The following CREB5 variants were observed in gnomAD, a reference collection of about 807,000 sequenced individuals.
The protein encoded by CREB5 is cAMP responsive element binding protein 5, also known as cyclic AMP-responsive element-binding protein 5.
A neutral mutation model predicts 57.1 loss-of-function variants in CREB5; 19 were observed. That is an observed-to-expected ratio of 0.33 (90% CI 0.23 to 0.49). CREB5 has a LOEUF of 0.49. CREB5 is among the 20% of genes least tolerant of loss of function. CREB5 has a pLI of 0.99. For synonymous variants in CREB5, 238 were observed against 238.3 expected, an observed-to-expected ratio of 1.00 and a Z score of 0.01; for missense variants, 579 against 671.6, an observed-to-expected ratio of 0.86 and a Z score of 1.52.
intron 1 of CREB5, among the ~76,000 whole-genome samples, chr7:28,351,949 T>C (rs1004027249): frequency 2.6e-5 from 4 of 152,208 alleles, no homozygotes; most frequent in Admixed American, 2.6e-4. Context: ...GGGCCATTCA[T>C]GGAAACCACA....
At chr7:28,560,829 C>CGTGTGTGTGTGCGTGTGCGT (rs1562797035) in intron 4 of CREB5, among the ~76,000 whole-genome samples, 1 of 65,180 alleles carries the variant, frequency 1.5e-5, no homozygotes, top group African/African-American at 6.1e-5. Context: ...TGTGCGCGCG[C>CGTGTGTGTGTGCGTGTGCGT]GCGCGTGTGT....
At chr7:28,428,150 G>A (rs538608973) in intron 1 of CREB5, among the ~76,000 whole-genome samples, 3 of 152,138 alleles carry the variant, frequency 2.0e-5, no homozygotes, top group African/African-American at 7.2e-5. Flanking sequence ...CTAGGTAAGG[G>A]GCTGCTTGGT....
At chr7:28,806,419 A>G (rs1359575336) in intron 8 of CREB5, among the ~76,000 whole-genome samples, 3 of 152,290 alleles carry the variant, frequency 2.0e-5, no homozygotes, top group Admixed American at 6.5e-5. Context: ...GCTTAATTGT[A>G]TGATTATCTG....
intron 7 of CREB5, among the ~76,000 whole-genome samples, chr7:28,753,189 G>T (rs1805084314): frequency 6.6e-6 from 1 of 152,118 alleles, no homozygotes; most frequent in Non-Finnish European, 1.5e-5. Flanking sequence ...TTAAGGAAAT[G>T]ATTTGGGAAA....
intron 5 of CREB5, among the ~76,000 whole-genome samples, chr7:28,631,590 G>C (rs1019509821): frequency 5.9e-5 from 9 of 152,186 alleles, no homozygotes; most frequent in Admixed American, 5.2e-4. Flanking sequence ...GTCTCCCTCT[G>C]TTCCTCTATC....
In CREB5 at chr7:28,560,811, TGTGTGTGTGTGCGCGCGCGCGC is replaced by T. The variant is rs1465080584; in HGVS notation, c.292-9538_292-9517del. ...TCTGCTTCCACAGTGTGTGTGCGCG[TGTGTGTGTGTGCGCGCGCGCGC>T]GTGTGTGTGTGCGCGTGTGTGTGTG... On this transcript the variant is annotated intron_variant, in intron 4 of 10. Transcript: ENST00000357727. 5.8e-5 allele frequency among the ~76,000 whole-genome samples: 2 copies of T among 34,414 alleles called. 1 individual carries two copies. The highest frequency in any genetic ancestry group is 1.6e-4 in the African/African-American group (2 of 12,604). The allele number at this position is 34,414 out of a possible 152,430, so 22.6% of individuals were successfully genotyped here.
intron 5 of CREB5, among the ~76,000 whole-genome samples, chr7:28,645,934 G>A (rs1487492631): frequency 6.6e-6 from 1 of 152,176 alleles, no homozygotes; most frequent in Non-Finnish European, 1.5e-5. Flanking sequence ...CAGGGGAAAG[G>A]TGAATTTGCT....
At chr7:28,528,645 A>G (rs1793564698) in intron 4 of CREB5, among the ~76,000 whole-genome samples, 1 of 143,172 alleles carries the variant, frequency 7.0e-6, no homozygotes, top group Non-Finnish European at 1.5e-5. Context: ...TGGAGGTTGC[A>G]GTGAGCCGAG....
chr7:28,647,133 C>T (rs979030450), intron 5 of CREB5, among the ~76,000 whole-genome samples: 2 of 151,558 alleles, frequency 1.3e-5, no homozygotes, highest in East Asian at 2.0e-4. Context: ...ACACCAAAGA[C>T]GCAGAGATCA....
intron 5 of CREB5, among the ~76,000 whole-genome samples, chr7:28,617,979 A>G (rs1468260452): frequency 6.6e-6 from 1 of 152,170 alleles, no homozygotes; most frequent in African/African-American, 2.4e-5. Context: ...ACTGATTATG[A>G]AATGAGGCAA....
intron 1 of CREB5, among the ~76,000 whole-genome samples, chr7:28,305,487 C>T (rs11978109): frequency 0.028 from 4,219 of 152,222 alleles, 165 homozygotes; most frequent in African/African-American, 0.095. Flanking sequence ...AGTAGAGCTG[C>T]CCCAGTGCTG....
rs145078408 is a variant in CREB5, at chr7:28,675,974, T to C, written c.465-42779T>C. On this transcript the variant is annotated intron_variant, in intron 5 of 10. Transcript: ENST00000357727. ...TTAAAGAGGATTACTGCCCCAAAGC[T>C]AATTCCTTCAGATATTTGTGTCATT... 1.1e-3 allele frequency among the ~76,000 whole-genome samples: 160 copies of C among 152,322 alleles called. 1 individual carries two copies. Among genetic ancestry groups the C allele is most frequent in the African/African-American group, 2.9e-3 (120 of 41,578 alleles).
At chr7:28,675,771 C>G (rs1395862979) in intron 5 of CREB5, among the ~76,000 whole-genome samples, 1 of 151,786 alleles carries the variant, frequency 6.6e-6, no homozygotes, top group Non-Finnish European at 1.5e-5. Context: ...ATAAGGTGCT[C>G]ATATGGGAGA....
intron 7 of CREB5, among the ~76,000 whole-genome samples, chr7:28,762,567 G>T (rs368154565): frequency 6.6e-5 from 10 of 152,116 alleles, no homozygotes; most frequent in African/African-American, 1.7e-4. Flanking sequence ...ATAATTGTTT[G>T]TATTTCTCTA....
chr7:28,399,418 T>TAAAAAAAAAAAAAA, intron 1 of CREB5, among the ~76,000 whole-genome samples: 1 of 128,158 alleles, frequency 7.8e-6, no homozygotes, highest in Non-Finnish European at 1.7e-5. Flanking sequence ...ATCATTCTGG[T>TAAAAAAAAAAAAAA]AAAAAAAAAA....
intron 7 of CREB5, among the ~76,000 whole-genome samples, chr7:28,767,238 T>C (rs1806055369): frequency 6.6e-6 from 1 of 152,182 alleles, no homozygotes; most frequent in African/African-American, 2.4e-5. Flanking sequence ...CATGTATGCA[T>C]TTATTTTTGT....
intron 1 of CREB5, among the ~76,000 whole-genome samples, chr7:28,346,036 T>C (rs1348267824): frequency 6.6e-6 from 1 of 152,108 alleles, no homozygotes; most frequent in Non-Finnish European, 1.5e-5. Flanking sequence ...ACCGTAGTGA[T>C]GGGTTAAGTG....
chr7:28,587,971 T>C (rs1321320156), intron 5 of CREB5, among the ~76,000 whole-genome samples: 1 of 152,192 alleles, frequency 6.6e-6, no homozygotes, highest in African/African-American at 2.4e-5. Flanking sequence ...TGTACCCAAG[T>C]ATGCTATGGG....
intron 8 of CREB5, among the ~76,000 whole-genome samples, chr7:28,805,320 G>T (rs1246752157): frequency 6.6e-6 from 1 of 152,162 alleles, no homozygotes; most frequent in East Asian, 1.9e-4. Flanking sequence ...CTGTACTGGA[G>T]TGAGTTTTAG....
Sources: allele counts gnomAD v4.1 joint callset (sites outside exome capture counted in the v4.1 genomes callset), GRCh38; gene constraint gnomAD v4.1.1; transcripts MANE v1.5; gene names NCBI Gene and HGNC (gene_info 2026-07-23, HGNC 2026-07-21).